CDKAL1: variants seen among roughly 807,000 people sequenced by gnomAD.
The protein encoded by CDKAL1 is CDKAL1 threonylcarbamoyladenosine tRNA methylthiotransferase.
In CDKAL1, 32 loss-of-function variants were observed where a neutral mutation model predicts 68.2. The observed-to-expected ratio is 0.47, with a 90% CI of 0.35 to 0.63. The LOEUF (loss-of-function observed/expected upper bound fraction) is 0.63. CDKAL1 is among the 30% of genes least tolerant of loss of function. CDKAL1 has a pLI of 0.00. For synonymous variants in CDKAL1, 234 were observed against 244.3 expected (o/e 0.96, Z 0.39); for missense variants, 606 against 696.7 (o/e 0.87, Z 1.47).
chr6:20,722,880 G>A (rs1176478007), intron 5 of CDKAL1, among the ~76,000 whole-genome samples: 3 of 152,102 alleles, frequency 2.0e-5, no homozygotes, highest in Admixed American at 6.5e-5. Flanking sequence ...TGACATCGGG[G>A]TAGAGACAAC....
At chr6:21,098,820 T>C (rs115135961) in intron 12 of CDKAL1, among the ~76,000 whole-genome samples, 1 of 151,896 alleles carries the variant, frequency 6.6e-6, no homozygotes, top group Non-Finnish European at 1.5e-5. Flanking sequence ...GCAGAGAGAG[T>C]AGCATTAGCA....
chr6:20,914,578 G>C (rs1478411139), intron 9 of CDKAL1, among the ~76,000 whole-genome samples: 1 of 152,060 alleles, frequency 6.6e-6, no homozygotes, highest in Non-Finnish European at 1.5e-5. Context: ...ACAGTACTCT[G>C]TACACTAAGA....
At chr6:20,682,409 AC>A (rs1182949511) in intron 5 of CDKAL1, among the ~76,000 whole-genome samples, 33 of 152,292 alleles carry the variant, frequency 2.2e-4, no homozygotes, top group African/African-American at 5.3e-4. Flanking sequence ...GGTTTAATTG[AC>A]CCAGGGTTCC....
chr6:20,644,262 C>T (rs958765796), intron 4 of CDKAL1, among the ~76,000 whole-genome samples: 10 of 151,808 alleles, frequency 6.6e-5, no homozygotes, highest in Non-Finnish European at 1.0e-4. Context: ...CAGCCTGGCA[C>T]GTAGTGAATC....
chr6:20,724,327 T>G (rs12111351), intron 5 of CDKAL1, among the ~76,000 whole-genome samples: 51,392 of 152,072 alleles, frequency 0.34, 10,523 homozygotes, highest in African/African-American at 0.57. Flanking sequence ...TTTTTGAAAA[T>G]GGACTTTGAT....
intron 4 of CDKAL1, among the ~76,000 whole-genome samples, chr6:20,623,156 T>C (rs1767272731): frequency 6.6e-6 from 1 of 152,038 alleles, no homozygotes; most frequent in Non-Finnish European, 1.5e-5. Context: ...TTCAAACAGA[T>C]TGTTTTGGTC....
intron 12 of CDKAL1, among the ~76,000 whole-genome samples, chr6:21,095,688 A>G (rs999739021): frequency 2.0e-5 from 3 of 151,590 alleles, no homozygotes; most frequent in Non-Finnish European, 4.4e-5. Context: ...ATCTCTGTGT[A>G]GTATCCCTTG....
At chr6:20,916,787 T>A (rs1311473595) in intron 9 of CDKAL1, among the ~76,000 whole-genome samples, 1 of 152,128 alleles carries the variant, frequency 6.6e-6, no homozygotes, top group Admixed American at 6.6e-5. Flanking sequence ...GCTTCTACCA[T>A]CTCCTTTCTA....
chr6:20,824,677 T>A (rs937605994), intron 8 of CDKAL1, among the ~76,000 whole-genome samples: 1 of 152,186 alleles, frequency 6.6e-6, no homozygotes, highest in East Asian at 1.9e-4. Context: ...TATAATGTAA[T>A]GATCCAAGTG....
intron 9 of CDKAL1, among the ~76,000 whole-genome samples, chr6:20,954,873 C>G (rs899705527): frequency 1.3e-5 from 2 of 152,112 alleles, no homozygotes; most frequent in Admixed American, 6.5e-5. Flanking sequence ...TTGAATGCAG[C>G]AACAAAATGA....
intron 15 of CDKAL1, among the ~76,000 whole-genome samples, chr6:21,216,281 A>G (rs1057359834): frequency 6.6e-6 from 1 of 152,224 alleles, no homozygotes; most frequent in African/African-American, 2.4e-5. Context: ...ATTTTATCCC[A>G]TAGAATCCAT....
chr6:20,885,668 A>G (rs1368475710), intron 9 of CDKAL1, among the ~76,000 whole-genome samples: 1 of 152,228 alleles, frequency 6.6e-6, no homozygotes, highest in African/African-American at 2.4e-5. Context: ...ACTTCATCAG[A>G]CTTTAAACTG....
chr6:20,757,457 T>A (rs775049390), intron 6 of CDKAL1, among the ~76,000 whole-genome samples: 9 of 152,196 alleles, frequency 5.9e-5, no homozygotes, highest in Non-Finnish European at 1.0e-4. Flanking sequence ...GTGTATTTTA[T>A]ACATATGTAT....
intron 5 of CDKAL1, among the ~76,000 whole-genome samples, chr6:20,737,211 T>G (rs1773235947): frequency 6.6e-6 from 1 of 152,240 alleles, no homozygotes; most frequent in Non-Finnish European, 1.5e-5. Context: ...GATTTCCTCA[T>G]GAAGCTTTTT....
At chr6:20,930,446 C>T (rs1763386509) in intron 9 of CDKAL1, among the ~76,000 whole-genome samples, 1 of 152,092 alleles carries the variant, frequency 6.6e-6, no homozygotes. Flanking sequence ...TTTATTGTAA[C>T]TTTACTGTCA....
At position 20,992,208 on chromosome 6, in the gene CDKAL1, A is replaced by ATATATATATATATATATATATGTATG. The variant is rs200094831; in HGVS notation, c.910-8016_910-8015insATATATATATATATATATGTATGTAT. On this transcript the variant is annotated intron_variant, in intron 10 of 15. Coordinates refer to ENST00000274695, the MANE Select transcript of CDKAL1 (RefSeq NM_017774.3). ...ATAGTCAGCTTTTTTATATATATAT[A>ATATATATATATATATATATATGTATG]TATGTATTTTGTATTATATGTATAT... Among the ~76,000 whole-genome samples the ATATATATATATATATATATATGTATG allele has an allele frequency of 1.5e-3, 224 of 144,606 alleles. 10 individuals carry two copies. Among genetic ancestry groups the ATATATATATATATATATATATGTATG allele is most frequent in the African/African-American group, 6.1e-3 (215 of 35,390 alleles). 94.9% of individuals were successfully genotyped at this position (144,606 alleles called of 152,430 possible).
chr6:20,578,364 C>G (rs946521001), intron 4 of CDKAL1, among the ~76,000 whole-genome samples: 1 of 152,112 alleles, frequency 6.6e-6, no homozygotes, highest in African/African-American at 2.4e-5. Flanking sequence ...CCCCTCCCCT[C>G]TGCAGCAGCC....
chr6:21,227,063 C>T (rs548000654), intron 15 of CDKAL1, among the ~76,000 whole-genome samples: 30 of 152,262 alleles, frequency 2.0e-4, no homozygotes, highest in African/African-American at 5.5e-4. Context: ...ATACTTTGAG[C>T]GATGCAGATA....
intron 8 of CDKAL1, among the ~76,000 whole-genome samples, chr6:20,789,948 T>G (rs1775827776): frequency 6.6e-6 from 1 of 152,188 alleles, no homozygotes; most frequent in Non-Finnish European, 1.5e-5. Flanking sequence ...TGTTGATTTG[T>G]TTTTTTGTTT....
Sources: gnomAD v4.1 joint callset for allele counts (sites outside exome capture counted in the v4.1 genomes callset) on GRCh38, gnomAD v4.1.1 for gene constraint, MANE v1.5 for transcripts, NCBI Gene and HGNC (gene_info 2026-07-23, HGNC 2026-07-21) for gene names.